CEP192: variants seen among roughly 807,000 people sequenced by gnomAD.
CEP192 encodes the protein centrosomal protein 192, also known as centrosomal protein of 192 kDa.
Under a neutral mutation model 271.8 loss-of-function variants are expected in CEP192, and 151 were observed. The observed-to-expected ratio is 0.56, with a 90% CI of 0.49 to 0.64. CEP192 has a LOEUF of 0.64. Among genes scored for constraint, CEP192 ranks in the 30% least tolerant of loss-of-function variants. The pLI is 0.00. For missense variants in CEP192, 2,910 were observed against 3,020.5 expected (o/e 0.96, Z 0.86); for synonymous variants, 995 against 1,076.5 (o/e 0.92, Z 1.48).
At chr18:13,003,141 G>T (rs777936426) in intron 3 of CEP192, among the ~76,000 whole-genome samples, 2 of 152,084 alleles carry the variant, frequency 1.3e-5, no homozygotes, top group African/African-American at 4.8e-5. Flanking sequence ...GTCAGTATGG[G>T]TCTCATTATG....
rs755585546 is a variant in CEP192, at chr18:13,059,100, CGTT to C, written c.4280_4282del (p.Cys1427del). 3 of 1,612,740 alleles carry C rather than the reference CGTT, an allele frequency of 1.9e-6. No homozygotes were observed. Among genetic ancestry groups the C allele is most frequent in the Admixed American group, 1.7e-5 (1 of 59,992 alleles). On this transcript the variant is annotated inframe_deletion, in exon 21 of 45. Coordinates refer to ENST00000506447, the MANE Select transcript of CEP192 (RefSeq NM_032142.4). ...TTTGAAGGTGGATCTTTCAACATAT[CGTT>C]GTTTAGTTTTCAAGAATAAAGCCAT... is the stretch of plus-strand genomic sequence containing the variant.
Position 13,068,394 on chromosome 18 carries a change from T to C in CEP192, c.4794T>C (p.His1598=), listed in dbSNP as rs757244235. The part of the protein sequence containing the change: ...PEFLMIWVLF[H]SPKKQISSSD... ...TTCTGATGATTTGGGTTCTTTTCCA[T>C]AGTCCAAAGAAACAGATCAGCTCTT... The change falls in exon 24 of 45, where the codon CAT becomes CAC. Residue 1598 remains histidine, a synonymous_variant. Transcript: ENST00000506447. The C allele has an allele frequency of 1.6e-5, 26 of 1,612,554 alleles. No individual in the cohort carries two copies. Among genetic ancestry groups the C allele is most frequent in the Non-Finnish European group, 1.9e-5 (22 of 1,179,228 alleles).
Position 13,010,191 on chromosome 18 carries a change from C to A in CEP192, c.466+1560C>A, listed in dbSNP as rs114066679. On this transcript the variant is annotated intron_variant, in intron 4 of 44. Transcript: ENST00000506447. ...TATAGGGAAAGTTGTTTAAAAAAATCATAGGCTTCTGCTGTCTGATTCCTC... is the reference window on the plus strand; with the variant it reads ...TATAGGGAAAGTTGTTTAAAAAAATAATAGGCTTCTGCTGTCTGATTCCTC... Among the ~76,000 whole-genome samples, 452 of 152,148 alleles carry A rather than the reference C, an allele frequency of 3.0e-3. 6 individuals are homozygous for A. The East Asian group carries it at 0.037, about 12-fold the overall frequency.
intron 3 of CEP192, among the ~76,000 whole-genome samples, chr18:13,003,473 GAA>G (rs1599034635): frequency 7.9e-6 from 1 of 126,964 alleles, no homozygotes; most frequent in Non-Finnish European, 1.7e-5. Context: ...AAAAAAAAAA[GAA>G]GATATGAGCC....
At chr18:13,093,775 G>A (rs567031) in intron 34 of CEP192, among the ~76,000 whole-genome samples, 109,147 of 152,182 alleles carry the variant, frequency 0.72, 40,666 homozygotes, top group African/African-American at 0.93. Flanking sequence ...CCATAAAATC[G>A]GAAGCTTCAG....
At position 13,049,613 on chromosome 18, in the gene CEP192, G is replaced by A; in HGVS notation, c.2822G>A (p.Ser941Asn). ...AATCAGAGGCAAAATGAGTGTGTCA[G>A]TGAAATAAGCAACAGTGAGAAGCAT... ...RENQRQNECV[S>N]EISNSEKHVT... The change falls in exon 16 of 45, where the codon AGT becomes AAT. Residue 941 changes from serine (S) to asparagine (N), a missense_variant. Transcript: ENST00000506447. The A allele has an allele frequency of 1.2e-6, 2 of 1,613,866 alleles. No individual in the cohort carries two copies. Among genetic ancestry groups the A allele is most frequent in the Non-Finnish European group, 1.7e-6 (2 of 1,179,936 alleles).
intron 33 of CEP192, among the ~76,000 whole-genome samples, chr18:13,091,721 T>C (rs2039155692): frequency 1.3e-5 from 2 of 152,206 alleles, no homozygotes. Flanking sequence ...TAATTTAACA[T>C]TTCTTGTTTA....
intron 30 of CEP192, among the ~76,000 whole-genome samples, chr18:13,078,405 G>C (rs998471108): frequency 6.6e-6 from 1 of 152,170 alleles, no homozygotes; most frequent in African/African-American, 2.4e-5. Context: ...GTGTGCATGT[G>C]TCTTTATAGC....
rs1284093515 is a variant in CEP192 at position 13,049,745 on chromosome 18, A to G, written c.2891-20A>G. On this transcript the variant is annotated intron_variant, in intron 16 of 44. Transcript: ENST00000506447. ...AAAGTTTATTTTCTCTTCTTACTGG[A>G]AAATACCCCTTTCTGATAGATTTGA... 6.2e-7 allele frequency: 1 copy of G among 1,606,946 alleles called. No homozygotes were observed. The highest frequency in any genetic ancestry group is 1.1e-5 in the South Asian group (1 of 89,646).
intron 6 of CEP192, 81 bp from the exon 7 acceptor site, chr18:13,017,107 C>T (rs1455150279): frequency 2.0e-5 from 23 of 1,128,404 alleles, no homozygotes; most frequent in Non-Finnish European, 2.7e-5. Context: ...TCATTTATGT[C>T]TTATCGGCCT....
At position 13,085,147 on chromosome 18, in the gene CEP192, A is replaced by G. The variant is rs1740021907; in HGVS notation, c.5617-1870A>G. ...GTCGATTTGCATTTCTCTAATAACC[A>G]GTAATGATGAGCTTTTTTTCACGTT... On this transcript the variant is annotated intron_variant, in intron 30 of 44. Coordinates refer to ENST00000506447, the MANE Select transcript of CEP192 (RefSeq NM_032142.4). 2.6e-5 allele frequency among the ~76,000 whole-genome samples: 4 copies of G among 152,024 alleles called. No homozygotes were observed. In the South Asian group the frequency reaches 8.3e-4, roughly 32 times the overall value.
At chr18:13,080,046 G>T (rs1211967962) in intron 30 of CEP192, among the ~76,000 whole-genome samples, 2 of 152,172 alleles carry the variant, frequency 1.3e-5, no homozygotes, top group African/African-American at 4.8e-5. Flanking sequence ...TAGGCTTGTA[G>T]TATAGTTTGA....
chr18:13,107,009 C>T (rs532284079), intron 40 of CEP192, among the ~76,000 whole-genome samples: 4 of 152,130 alleles, frequency 2.6e-5, no homozygotes, highest in South Asian at 4.1e-4. Flanking sequence ...AATACTACTC[C>T]GATTAACAGT....
At chr18:13,079,616 G>A (rs181152863) in intron 30 of CEP192, among the ~76,000 whole-genome samples, 8 of 152,150 alleles carry the variant, frequency 5.3e-5, no homozygotes, top group Middle Eastern at 3.4e-3. Flanking sequence ...AACTTCTTTC[G>A]CTGTGCAGAA....
chr18:13,003,911 C>T (rs2033817328), intron 3 of CEP192, among the ~76,000 whole-genome samples: 2 of 152,050 alleles, frequency 1.3e-5, no homozygotes, highest in African/African-American at 2.4e-5. Flanking sequence ...AGCGAACAGG[C>T]GTGGTCCTCA....
At chr18:13,049,949 G>GGA in intron 17 of CEP192, 58 bp downstream of exon 17, 1 of 1,339,612 alleles carries the variant, frequency 7.5e-7, no homozygotes, top group Non-Finnish European at 1.0e-6. Context: ...TAGGAACTGG[G>GGA]AAAAAAATGT....
At chr18:13,118,798 ACATCAT>A (rs3837874) in intron 44 of CEP192, among the ~76,000 whole-genome samples, 1 of 151,994 alleles carries the variant, frequency 6.6e-6, no homozygotes, top group East Asian at 1.9e-4. Context: ...TCAGGTGTTA[ACATCAT>A]CATCATCATC....
At chr18:13,002,873 T>C (rs1300201339) in intron 3 of CEP192, among the ~76,000 whole-genome samples, 2 of 152,224 alleles carry the variant, frequency 1.3e-5, no homozygotes, top group African/African-American at 4.8e-5. Context: ...GAATTGCCTC[T>C]TGATAGCCTT....
rs753000572 is a variant in CEP192, at chr18:13,056,619, A to T, written c.4029A>T (p.Thr1343=). Residue 1343 remains threonine (T), a synonymous_variant, in exon 19 of 45, where the codon ACA becomes ACT. Transcript: ENST00000506447. The part of the protein sequence containing the change: ...SNTLNQNLLS[T]TKPFPVPSVG... Reference sequence around the variant, plus strand: ...CCTTAAATCAGAACCTGCTAAGCACAACAAAACCTTTTCCTGTGCCGTCTG... The same window carrying T: ...CCTTAAATCAGAACCTGCTAAGCACTACAAAACCTTTTCCTGTGCCGTCTG... 6.2e-7 allele frequency: 1 copy of T among 1,614,212 alleles called. No individual in the cohort carries two copies. Among genetic ancestry groups the T allele is most frequent in the Non-Finnish European group, 8.5e-7 (1 of 1,180,028 alleles).
Sources: allele counts gnomAD v4.1 joint callset (sites outside exome capture counted in the v4.1 genomes callset), GRCh38; gene constraint gnomAD v4.1.1; transcripts MANE v1.5; gene names NCBI Gene and HGNC (gene_info 2026-07-23, HGNC 2026-07-21).